The following MBP variants were observed in gnomAD, a reference collection of about 807,000 sequenced individuals.
MBP encodes the protein Golli-MBP.
A neutral mutation model predicts 35.8 loss-of-function variants in MBP; 16 were observed. That is an observed-to-expected ratio of 0.45 (90% CI 0.30 to 0.68). The LOEUF (loss-of-function observed/expected upper bound fraction) is 0.68. MBP is among the 30% of genes least tolerant of loss of function. The pLI is 0.08. For synonymous variants in MBP, 143 were observed against 159.6 expected (o/e 0.90, Z 0.78); for missense variants, 380 against 404.7 (o/e 0.94, Z 0.52).
intron 4 of MBP, among the ~76,000 whole-genome samples, chr18:76,991,763 G>T (rs470252): frequency 6.6e-6 from 1 of 152,014 alleles, no homozygotes; most frequent in Admixed American, 6.5e-5. Flanking sequence ...GACACAGAAC[G>T]CAGCGGAAGC....
intron 4 of MBP, chr18:77,014,122 C>T (rs1356094117): frequency 4.1e-5 from 40 of 985,332 alleles, no homozygotes; most frequent in Non-Finnish European, 4.6e-5. Flanking sequence ...GCATGTTCTC[C>T]GTGAATGCAC....
At chr18:77,089,693 G>C (rs1218668782) in intron 2 of MBP, among the ~76,000 whole-genome samples, 1 of 152,252 alleles carries the variant, frequency 6.6e-6, no homozygotes, top group South Asian at 2.1e-4. Flanking sequence ...GGAGGCTACA[G>C]TACTTTTCAG....
At chr18:77,125,187 T>G (rs1435538697) in intron 1 of MBP, among the ~76,000 whole-genome samples, 1 of 152,224 alleles carries the variant, frequency 6.6e-6, no homozygotes, top group Non-Finnish European at 1.5e-5. Flanking sequence ...CAAATTTCAG[T>G]AATTTCACCT....
chr18:77,083,688 C>T (rs1284869905), intron 2 of MBP, among the ~76,000 whole-genome samples: 5 of 152,144 alleles, frequency 3.3e-5, no homozygotes, highest in Non-Finnish European at 5.9e-5. Flanking sequence ...GAATAAAGCA[C>T]TGATATATGC....
chr18:77,013,842 C>G (rs1395211314), intron 4 of MBP: 1 of 985,410 alleles, frequency 1.0e-6, no homozygotes, highest in South Asian at 4.7e-5. Flanking sequence ...TCTTGTGAAA[C>G]CTTACTTCCT....
chr18:77,028,006 T>TTTA (rs1234045855), intron 3 of MBP, among the ~76,000 whole-genome samples: 1 of 52,032 alleles, frequency 1.9e-5, no homozygotes, highest in South Asian at 7.2e-4. Flanking sequence ...TTATTTATTT[T>TTTA]TTTATTGATC....
chr18:77,124,622 T>C (rs1976990788), intron 1 of MBP, among the ~76,000 whole-genome samples: 1 of 152,016 alleles, frequency 6.6e-6, no homozygotes, highest in Admixed American at 6.6e-5. Flanking sequence ...AGGAGCAAAG[T>C]CTCCCTCGGG....
chr18:77,077,222 C>T (rs57850826), intron 2 of MBP, among the ~76,000 whole-genome samples: 20,089 of 151,452 alleles, frequency 0.13, 1,480 homozygotes, highest in African/African-American at 0.2. Context: ...ATTAGCTGGG[C>T]GTGGTGGTGG....
At chr18:77,059,475 CTAAT>C (rs10556309) in intron 3 of MBP, among the ~76,000 whole-genome samples, 63,005 of 150,676 alleles carry the variant, frequency 0.42, 16,251 homozygotes, top group African/African-American at 0.74. Context: ...AAAGTAGTCA[CTAAT>C]TATTTATAAT....
chr18:77,127,710 T>C (rs1179236080), intron 1 of MBP: 2 of 152,102 alleles, frequency 1.3e-5, no homozygotes, highest in African/African-American at 2.4e-5. Context: ...AATTAAAAAG[T>C]AGGCAAAAGA....
chr18:77,039,896 C>T (rs773796713), intron 3 of MBP, among the ~76,000 whole-genome samples: 2 of 152,190 alleles, frequency 1.3e-5, no homozygotes, highest in South Asian at 2.1e-4. Flanking sequence ...CTGACACCCT[C>T]GACAGCCAGG....
rs1969106632 is a variant in MBP at position 76,980,323 on chromosome 18, G to A, written c.*104C>T. 4 of 1,057,594 alleles carry A rather than the reference G, an allele frequency of 3.8e-6. No individual in the cohort carries two copies. The highest frequency in any genetic ancestry group is 1.6e-5 in the African/African-American group (1 of 64,320). 65.5% of individuals were successfully genotyped at this position (1,057,594 alleles called of 1,614,324 possible). On this transcript the variant is annotated 3_prime_UTR_variant, in exon 9 of 9. Transcript: ENST00000355994. ...GTGCACAACTCCGCAGGCATTAGGG[G>A]AGGGGTCATCTGCTCTAATTAGGTA...
chr18:77,105,053 TA>T (rs201092127), intron 2 of MBP, among the ~76,000 whole-genome samples, 157 bp downstream of exon 2: 4 of 149,480 alleles, frequency 2.7e-5, no homozygotes, highest in South Asian at 2.1e-4. Context: ...AAATCATAAT[TA>T]ATTATTAATA....
At chr18:77,026,395 C>G (rs1272752555) in intron 3 of MBP, among the ~76,000 whole-genome samples, 1 of 152,184 alleles carries the variant, frequency 6.6e-6, no homozygotes, top group Non-Finnish European at 1.5e-5. Context: ...GAAAACATAA[C>G]GAATAAAACT....
chr18:77,097,484 A>G (rs1399121134), intron 2 of MBP: 1 of 152,258 alleles, frequency 6.6e-6, no homozygotes, highest in Non-Finnish European at 1.5e-5. Context: ...CCTAGGGGAG[A>G]AGGGAGCTTT....
chr18:77,011,244 AGAG>A (rs1469345599), intron 4 of MBP, among the ~76,000 whole-genome samples: 1 of 152,206 alleles, frequency 6.6e-6, no homozygotes, highest in Non-Finnish European at 1.5e-5. Context: ...TATTCACTTT[AGAG>A]GAGGTCTCCG....
rs1171685223 is a variant in MBP, at chr18:77,101,517, T to C, written c.51+3694A>G. Among the ~76,000 whole-genome samples, 2 of 152,158 alleles carry C rather than the reference T, an allele frequency of 1.3e-5. No individual in the cohort carries two copies. The highest frequency in any genetic ancestry group is 4.8e-5 in the African/African-American group (2 of 41,428). On this transcript the variant is annotated intron_variant, in intron 2 of 8. Coordinates refer to ENST00000355994, the MANE Select transcript of MBP (RefSeq NM_001025101.2). The surrounding 1 kb of genome is among the most constrained non-coding windows in gnomAD (Gnocchi z 4.3). ...GTCAGGAGGGCAGGCTGCCCACTCC[T>C]CTGATGGGCGGAGTGCTTCTGCCTG... is the stretch of plus-strand genomic sequence containing the variant.
intron 3 of MBP, among the ~76,000 whole-genome samples, chr18:77,046,153 T>TA (rs1973248026): frequency 6.6e-6 from 1 of 152,256 alleles, no homozygotes; most frequent in Non-Finnish European, 1.5e-5. Context: ...ATGTAGCTGT[T>TA]AAAATGTTGC....
intron 4 of MBP, among the ~76,000 whole-genome samples, chr18:77,001,206 C>T (rs999025310): frequency 6.6e-6 from 1 of 152,246 alleles, no homozygotes; most frequent in Non-Finnish European, 1.5e-5. Flanking sequence ...TGTCCCGGAC[C>T]CTGAAGCTCA....
Sources: allele counts gnomAD v4.1 joint callset (sites outside exome capture counted in the v4.1 genomes callset), GRCh38; gene constraint gnomAD v4.1.1; non-coding constraint Gnocchi (gnomAD v3.1); transcripts MANE v1.5; gene names NCBI Gene and HGNC (gene_info 2026-07-23, HGNC 2026-07-21).